WWOX: variants seen among roughly 807,000 people sequenced by gnomAD.
WWOX encodes the protein WW domain containing oxidoreductase.
WWOX carries 69 observed loss-of-function variants against 46.2 expected under a neutral mutation model. That is an observed-to-expected ratio of 1.49 (90% CI 1.23 to 1.82). The LOEUF (loss-of-function observed/expected upper bound fraction) is 1.82. WWOX is among the 40% of genes most tolerant of loss of function. WWOX has a pLI of 0.00. For synonymous variants in WWOX, 359 were observed against 202.6 expected (o/e 1.77, Z -6.56); for missense variants, 919 against 542.6 (o/e 1.69, Z -6.89).
intron 8 of WWOX, among the ~76,000 whole-genome samples, chr16:79,099,343 T>G (rs938393517): frequency 1.3e-5 from 2 of 152,148 alleles, no homozygotes; most frequent in Non-Finnish European, 2.9e-5. Flanking sequence ...CACATTTCTC[T>G]TTACAAAAAG....
intron 8 of WWOX, among the ~76,000 whole-genome samples, chr16:79,140,579 G>C (rs886950111): frequency 6.6e-6 from 1 of 152,168 alleles, no homozygotes; most frequent in African/African-American, 2.4e-5. Context: ...TCTCAGCATT[G>C]ACCGCATGAA....
chr16:78,152,733 G>C (rs1364201465), intron 4 of WWOX, among the ~76,000 whole-genome samples: 1 of 152,124 alleles, frequency 6.6e-6, no homozygotes, highest in Non-Finnish European at 1.5e-5. Context: ...GCCAGCCTGG[G>C]GTCAGTCTTG....
chr16:78,783,792 TAGG>T (rs1324585890), intron 8 of WWOX, among the ~76,000 whole-genome samples: 2 of 151,658 alleles, frequency 1.3e-5, no homozygotes, highest in Non-Finnish European at 1.5e-5. Flanking sequence ...GTGATGGTGA[TAGG>T]AGGGTGATGG....
At chr16:78,330,105 CG>C (rs1567505111) in intron 5 of WWOX, among the ~76,000 whole-genome samples, 1 of 151,962 alleles carries the variant, frequency 6.6e-6, no homozygotes, top group Non-Finnish European at 1.5e-5. Flanking sequence ...GTCCTTAACG[CG>C]TAAATGTTTA....
intron 4 of WWOX, among the ~76,000 whole-genome samples, chr16:78,152,355 T>A (rs989575035): frequency 6.6e-6 from 1 of 151,498 alleles, no homozygotes; most frequent in African/African-American, 2.4e-5. Context: ...CTGTCGTAGA[T>A]AATGCCGTAC....
intron 5 of WWOX, among the ~76,000 whole-genome samples, chr16:78,221,284 G>C (rs1228618508): frequency 3.3e-5 from 5 of 152,246 alleles, no homozygotes; most frequent in East Asian, 1.9e-4. Context: ...GGAGTAAACT[G>C]TTCGTTGTAT....
At position 79,070,386 on chromosome 16, in the gene WWOX, G is replaced by T. The variant is rs77666723; in HGVS notation, c.1057-141222G>T. Reference sequence around the variant, plus strand: ...AATTGTGCTTTTAAAGTGTCCTCCAGCAAAATGGTCTCCTGGCTGTCTTTG... The same window carrying T: ...AATTGTGCTTTTAAAGTGTCCTCCATCAAAATGGTCTCCTGGCTGTCTTTG... On this transcript the variant is annotated intron_variant, in intron 8 of 8. Coordinates refer to ENST00000566780, the MANE Select transcript of WWOX (RefSeq NM_016373.4). 5.4e-3 allele frequency among the ~76,000 whole-genome samples: 828 copies of T among 152,114 alleles called. 4 individuals carry two copies. The highest frequency in any genetic ancestry group is 0.019 in the African/African-American group (778 of 41,498).
At position 78,251,584 on chromosome 16, in the gene WWOX, T is replaced by C. The variant is rs115752945; in HGVS notation, c.516+87295T>C. On this transcript the variant is annotated intron_variant, in intron 5 of 8. Coordinates refer to ENST00000566780, the MANE Select transcript of WWOX (RefSeq NM_016373.4). ...ATCAGCTTCTATTGCTGCAAAACTC[T>C]TCTAGCTAACTTCATTCTAAAAGCT... 1.6e-3 allele frequency among the ~76,000 whole-genome samples: 237 copies of C among 152,330 alleles called. 1 individual carries two copies. Among genetic ancestry groups the C allele is most frequent in the African/African-American group, 5.4e-3 (225 of 41,566 alleles).
At chr16:79,071,663 T>G (rs1272308146) in intron 8 of WWOX, among the ~76,000 whole-genome samples, 3 of 152,232 alleles carry the variant, frequency 2.0e-5, no homozygotes, top group Non-Finnish European at 2.9e-5. Context: ...CACTCTTGGG[T>G]CTTTCTTGGC....
intron 8 of WWOX, among the ~76,000 whole-genome samples, chr16:78,749,787 T>C (rs1324090205): frequency 6.6e-6 from 1 of 152,232 alleles, no homozygotes; most frequent in Non-Finnish European, 1.5e-5. Flanking sequence ...AATGCAACTG[T>C]ACTTCCTATA....
At chr16:78,456,117 C>T (rs891142548) in intron 8 of WWOX, among the ~76,000 whole-genome samples, 7 of 152,206 alleles carry the variant, frequency 4.6e-5, no homozygotes, top group African/African-American at 9.6e-5. Context: ...CCCCTTGCAA[C>T]GGACTGAAGT....
chr16:78,846,421 C>T (rs1239254756), intron 8 of WWOX, among the ~76,000 whole-genome samples: 4 of 152,074 alleles, frequency 2.6e-5, no homozygotes, highest in Non-Finnish European at 5.9e-5. Context: ...GGGACAGTTT[C>T]TCATGCATTA....
chr16:78,439,328 G>A (rs1299937974), intron 8 of WWOX, among the ~76,000 whole-genome samples: 2 of 152,168 alleles, frequency 1.3e-5, no homozygotes, highest in East Asian at 1.9e-4. Context: ...GGACCCCTCT[G>A]TGGTTGGACC....
chr16:78,613,693 C>G (rs2045953291), intron 8 of WWOX, among the ~76,000 whole-genome samples: 1 of 152,170 alleles, frequency 6.6e-6, no homozygotes, highest in Non-Finnish European at 1.5e-5. Context: ...TAAGCAGTGA[C>G]TGGAGGAAGG....
intron 8 of WWOX, among the ~76,000 whole-genome samples, chr16:78,717,880 T>A (rs1396574270): frequency 6.6e-6 from 1 of 152,190 alleles, no homozygotes; most frequent in Non-Finnish European, 1.5e-5. Flanking sequence ...GAAGGAGCTG[T>A]GTACTGGTTT....
chr16:78,784,707 C>A (rs748972721), intron 8 of WWOX, among the ~76,000 whole-genome samples: 1 of 152,178 alleles, frequency 6.6e-6, no homozygotes, highest in Non-Finnish European at 1.5e-5. Context: ...TAGCTGCCCC[C>A]AGTCAGGTGG....
chr16:78,136,392 C>A (rs919629961), intron 4 of WWOX, among the ~76,000 whole-genome samples: 27 of 152,170 alleles, frequency 1.8e-4, no homozygotes, highest in Non-Finnish European at 3.1e-4. Context: ...ACAGGGTGAG[C>A]AAAGGATGCT....
chr16:78,969,283 C>G (rs201867864), intron 8 of WWOX, among the ~76,000 whole-genome samples: 1 of 119,060 alleles, frequency 8.4e-6, no homozygotes, highest in Non-Finnish European at 1.8e-5. Context: ...TTTTTTTTTT[C>G]TTTTTGAGGA....
In WWOX at chr16:79,211,936, G is replaced by GAAAAATCTTAAGTACCAATGGGAAGC; in HGVS notation, c.*142_*167dup. 6.5e-7 allele frequency: 1 copy of GAAAAATCTTAAGTACCAATGGGAAGC among 1,538,146 alleles called. No individual in the cohort carries two copies. The highest frequency in any genetic ancestry group is 1.2e-5 in the South Asian group (1 of 84,302). ...GAAATAAGAGCAGTCACAACAGAGTGAAAAATCTTAAGTACCAATGGGAAG... is the reference window on the plus strand; with the variant it reads ...GAAATAAGAGCAGTCACAACAGAGTGAAAAATCTTAAGTACCAATGGGAAGCAAAAATCTTAAGTACCAATGGGAAG... On this transcript the variant is annotated 3_prime_UTR_variant, in exon 9 of 9. Coordinates refer to ENST00000566780, the MANE Select transcript of WWOX (RefSeq NM_016373.4).
Sources: allele counts gnomAD v4.1 joint callset (sites outside exome capture counted in the v4.1 genomes callset), GRCh38; gene constraint gnomAD v4.1.1; transcripts MANE v1.5; gene names NCBI Gene and HGNC (gene_info 2026-07-23, HGNC 2026-07-21).